The following GFRAL variants were observed in gnomAD, a reference collection of about 807,000 sequenced individuals.
GFRAL encodes the protein GDNF family receptor alpha like, also known as GDNF family receptor alpha-like.
GFRAL carries 36 observed loss-of-function variants against 45.4 expected under a neutral mutation model. That is an observed-to-expected ratio of 0.79 (90% CI 0.61 to 1.05). The LOEUF is 1.05. GFRAL is among the 50% of genes least tolerant of loss of function. The pLI is 0.00. For missense variants in GFRAL, 507 were observed against 467.5 expected (o/e 1.08, Z -0.78); for synonymous variants, 166 against 154.1 (o/e 1.08, Z -0.57).
chr6:55,391,008 A>G (rs1768746648), intron 6 of GFRAL, among the ~76,000 whole-genome samples: 1 of 152,036 alleles, frequency 6.6e-6, no homozygotes, highest in Non-Finnish European at 1.5e-5. Flanking sequence ...GTGAATCTTT[A>G]TAAAAAAATA....
chr6:55,372,642 T>C (rs1246070609), intron 6 of GFRAL, among the ~76,000 whole-genome samples: 1 of 152,042 alleles, frequency 6.6e-6, no homozygotes, highest in Non-Finnish European at 1.5e-5. Context: ...CATTTTATGG[T>C]TCGATGGTGG....
chr6:55,334,008 C>G, intron 3 of GFRAL, 64 bp downstream of exon 3: 1 of 945,626 alleles, frequency 1.1e-6, no homozygotes. Context: ...TCAAAATTAA[C>G]CACATCTATG....
At chr6:55,332,840 C>G (rs1217776148) in intron 2 of GFRAL, among the ~76,000 whole-genome samples, 2 of 151,878 alleles carry the variant, frequency 1.3e-5, no homozygotes, top group African/African-American at 4.8e-5. Flanking sequence ...ATAGTATAAA[C>G]TACAAATAGA....
intron 3 of GFRAL, among the ~76,000 whole-genome samples, chr6:55,336,226 G>A (rs1767889471): frequency 6.6e-6 from 1 of 152,190 alleles, no homozygotes; most frequent in Admixed American, 6.5e-5. Flanking sequence ...TTACAGGTGT[G>A]AGCCACCGGG....
intron 6 of GFRAL, among the ~76,000 whole-genome samples, chr6:55,361,494 T>C (rs1236565153): frequency 6.6e-6 from 1 of 152,050 alleles, no homozygotes; most frequent in East Asian, 1.9e-4. Context: ...TATATTCATA[T>C]TATATTTTAT....
intron 6 of GFRAL, among the ~76,000 whole-genome samples, chr6:55,392,774 A>G (rs1768770856): frequency 6.6e-6 from 1 of 152,126 alleles, no homozygotes; most frequent in Admixed American, 6.6e-5. Flanking sequence ...ACTAATGGAT[A>G]CTAGGTTTAA....
intron 6 of GFRAL, among the ~76,000 whole-genome samples, chr6:55,364,818 A>G (rs2127358902): frequency 6.6e-6 from 1 of 152,138 alleles, no homozygotes; most frequent in East Asian, 1.9e-4. Context: ...TGGTACCAGT[A>G]CCATGCTGTT....
intron 6 of GFRAL, among the ~76,000 whole-genome samples, chr6:55,388,306 G>A (rs1300570330): frequency 6.6e-6 from 1 of 152,122 alleles, no homozygotes; most frequent in East Asian, 1.9e-4. Flanking sequence ...AGGAGTGAAG[G>A]CGATCTGAAA....
intron 1 of GFRAL, among the ~76,000 whole-genome samples, chr6:55,329,617 G>T (rs1399962883): frequency 6.6e-6 from 1 of 151,930 alleles, no homozygotes; most frequent in Non-Finnish European, 1.5e-5. Flanking sequence ...CTTTCTTTGG[G>T]CTAGCCAAAT....
At chr6:55,393,605 A>G (rs79416550) in intron 6 of GFRAL, among the ~76,000 whole-genome samples, 5,933 of 152,260 alleles carry the variant, frequency 0.039, 159 homozygotes, top group African/African-American at 0.059. Context: ...CAGTAAAGAA[A>G]ATGTTTAATG....
chr6:55,369,741 A>T (rs555819668), intron 6 of GFRAL, among the ~76,000 whole-genome samples: 1 of 152,218 alleles, frequency 6.6e-6, no homozygotes, highest in African/African-American at 2.4e-5. Context: ...AGAAAGTTTC[A>T]ATATTTTTAA....
chr6:55,389,199 A>C (rs1768716635), intron 6 of GFRAL, among the ~76,000 whole-genome samples: 1 of 152,148 alleles, frequency 6.6e-6, no homozygotes, highest in Admixed American at 6.5e-5. Context: ...CCCAGGTATT[A>C]AGCCTAGTAC....
At chr6:55,337,209 A>G (rs1166670399) in intron 3 of GFRAL, among the ~76,000 whole-genome samples, 1 of 151,972 alleles carries the variant, frequency 6.6e-6, no homozygotes, top group Non-Finnish European at 1.5e-5. Flanking sequence ...AGTTTTTTAT[A>G]TGGCGAAATT....
chr6:55,329,158 A>G (rs960395123), intron 1 of GFRAL, among the ~76,000 whole-genome samples: 6 of 152,078 alleles, frequency 3.9e-5, no homozygotes, highest in African/African-American at 1.4e-4. Flanking sequence ...CAGATTTTGG[A>G]GAGGTAATAC....
At chr6:55,346,794 A>T (rs1768048032) in intron 3 of GFRAL, among the ~76,000 whole-genome samples, 1 of 151,642 alleles carries the variant, frequency 6.6e-6, no homozygotes, top group African/African-American at 2.4e-5. Flanking sequence ...TCTTGGTGGA[A>T]ATAACCTAGA....
At chr6:55,390,404 A>G (rs1199057344) in intron 6 of GFRAL, among the ~76,000 whole-genome samples, 1 of 152,200 alleles carries the variant, frequency 6.6e-6, no homozygotes, top group Non-Finnish European at 1.5e-5. Flanking sequence ...TCCCATTTCT[A>G]GACTCAGGCT....
chr6:55,335,418 G>A (rs1039823363), intron 3 of GFRAL, among the ~76,000 whole-genome samples: 1 of 151,972 alleles, frequency 6.6e-6, no homozygotes, highest in Non-Finnish European at 1.5e-5. Context: ...TATCATTTAA[G>A]AGTGTCTTAA....
Position 55,340,175 on chromosome 6 carries a change from A to C in GFRAL, c.316+6231A>C, listed in dbSNP as rs574450600. ...ATTTAAATATGAGAAAGAACATGAT[A>C]ATTTAAATCTTACCATTCCTTCTAT... On this transcript the variant is annotated intron_variant, in intron 3 of 8. Transcript: ENST00000340465. Among the ~76,000 whole-genome samples the C allele has an allele frequency of 3.9e-5, 6 of 152,304 alleles. No homozygotes were observed. The East Asian group carries it at 1.2e-3, about 29-fold the overall frequency.
chr6:55,377,593 T>A (rs1012218217), intron 6 of GFRAL, among the ~76,000 whole-genome samples: 3 of 152,012 alleles, frequency 2.0e-5, no homozygotes, highest in Non-Finnish European at 4.4e-5. Context: ...GTACTTCTGT[T>A]TCTACTTATC....
Sources: allele counts gnomAD v4.1 joint callset (sites outside exome capture counted in the v4.1 genomes callset), GRCh38; gene constraint gnomAD v4.1.1; transcripts MANE v1.5; gene names NCBI Gene and HGNC (gene_info 2026-07-23, HGNC 2026-07-21).